The following GRP variants were observed in gnomAD, a reference collection of about 807,000 sequenced individuals.
The protein encoded by GRP is gastrin-releasing peptide.
Under a neutral mutation model 12.7 loss-of-function variants are expected in GRP, and 11 were observed. The observed-to-expected ratio is 0.87, with a 90% CI of 0.55 to 1.44. The LOEUF (loss-of-function observed/expected upper bound fraction) is 1.44, where lower values mean the gene tolerates loss of function less well. Ranked by LOEUF, GRP falls within the 40% of genes most tolerant of loss-of-function variation. The pLI, the probability that GRP is intolerant of heterozygous loss-of-function variation, is 0.00. For missense variants in GRP, 212 were observed against 185.4 expected (o/e 1.14, Z -0.83); for synonymous variants, 84 against 77.7 (o/e 1.08, Z -0.43).
rs1314015763 is a variant in GRP, at chr18:59,227,045, CTTT to C, written c.382+1312_382+1314del. 5.5e-4 allele frequency among the ~76,000 whole-genome samples: 68 copies of C among 122,630 alleles called. 1 individual carries two copies. The highest frequency in any genetic ancestry group is 2.1e-3 in the African/African-American group (66 of 30,838). 80.5% of individuals were successfully genotyped at this position (122,630 alleles called of 152,430 possible). ...TCTTTCTTTCTTTCTTTCTTTCTTT[CTTT>C]CTTTCTTCCTTTCTTTCTTTTCTTT... On this transcript the variant is annotated intron_variant, in intron 2 of 2. Transcript: ENST00000256857.
In GRP at chr18:59,230,692, A is replaced by T. The variant is rs1803673; in HGVS notation, c.*224A>T. 1.9e-6 allele frequency: 1 copy of T among 529,076 alleles called. No individual in the cohort carries two copies. Among genetic ancestry groups the T allele is most frequent in the Non-Finnish European group, 3.4e-6 (1 of 294,944 alleles). 32.8% of individuals were successfully genotyped at this position (529,076 alleles called of 1,614,324 possible). Reference sequence around the variant, plus strand: ...AGAGTCTTCCAATTAATGCTTTTTTATATCTAGGCTACCTGTTGGTTAGAT... The same window carrying T: ...AGAGTCTTCCAATTAATGCTTTTTTTTATCTAGGCTACCTGTTGGTTAGAT... On this transcript the variant is annotated 3_prime_UTR_variant, in exon 3 of 3. Transcript: ENST00000256857.
chr18:59,226,992 CCTTT>C (rs34258044), intron 2 of GRP, among the ~76,000 whole-genome samples: 20,583 of 107,230 alleles, frequency 0.19, 1,938 homozygotes, highest in South Asian at 0.24. Flanking sequence ...TTCTTTTCTT[CCTTT>C]CTTTCTTTCT....
intron 2 of GRP, 28 bp downstream of exon 2, chr18:59,225,762 G>T: frequency 6.2e-7 from 1 of 1,608,154 alleles, no homozygotes; most frequent in South Asian, 1.1e-5. Flanking sequence ...GCAAGATGGG[G>T]TGGGAGGTAT....
chr18:59,227,386 G>A (rs1438363318), intron 2 of GRP, among the ~76,000 whole-genome samples: 1 of 152,158 alleles, frequency 6.6e-6, no homozygotes, highest in Non-Finnish European at 1.5e-5. Context: ...TGTCATAGGT[G>A]TTATGTCATC....
At chr18:59,229,224 C>T (rs747139246) in intron 2 of GRP, among the ~76,000 whole-genome samples, 1 of 152,098 alleles carries the variant, frequency 6.6e-6, no homozygotes, top group Non-Finnish European at 1.5e-5. Context: ...TCCTCCCTAC[C>T]CCCAACAATG....
chr18:59,227,711 T>G (rs189994284), intron 2 of GRP, among the ~76,000 whole-genome samples: 50 of 152,374 alleles, frequency 3.3e-4, no homozygotes, highest in Admixed American at 3.2e-3. Flanking sequence ...CAAACAGCAG[T>G]GTCCAGTTTG....
Position 59,225,750 on chromosome 18 carries a change from A to C in GRP, c.382+16A>C, listed in dbSNP as rs751718085. On this transcript the variant is annotated intron_variant, in intron 2 of 2. Coordinates refer to ENST00000256857, the MANE Select transcript of GRP (RefSeq NM_002091.5). The stretch of plus-strand genomic sequence containing the variant: ...AAAGGCAAAGGTAAAAGAAACATAC[A>C]TGCAAGATGGGGTGGGAGGTATCTG... The C allele has an allele frequency of 5.0e-6, 8 of 1,612,030 alleles. No individual in the cohort carries two copies. Among genetic ancestry groups the C allele is most frequent in the Non-Finnish European group, 6.8e-6 (8 of 1,178,686 alleles).
Position 59,230,663 on chromosome 18 carries a change from G to T in GRP, c.*195G>T, listed in dbSNP as rs947536692. 1 of 559,878 alleles carries T rather than the reference G, an allele frequency of 1.8e-6. No homozygotes were observed. Among genetic ancestry groups the T allele is most frequent in the Non-Finnish European group, 3.2e-6 (1 of 312,768 alleles). The allele number at this position is 559,878 out of a possible 1,614,324, so 34.7% of individuals were successfully genotyped here. On this transcript the variant is annotated 3_prime_UTR_variant, in exon 3 of 3. Transcript: ENST00000256857. ...AACTTGTTTGCTGTGAACAATTGTC[G>T]AAAAGAGTCTTCCAATTAATGCTTT...
At chr18:59,225,164 C>T (rs952275583) in intron 1 of GRP, among the ~76,000 whole-genome samples, 8 of 152,084 alleles carry the variant, frequency 5.3e-5, no homozygotes, top group Non-Finnish European at 1.0e-4. Context: ...ATCTAGTCTA[C>T]CCTGTTCATT....
rs148859533 is a variant in GRP, at chr18:59,223,560, T to C, written c.140-1932T>C. On this transcript the variant is annotated intron_variant, in intron 1 of 2. Coordinates refer to ENST00000256857, the MANE Select transcript of GRP (RefSeq NM_002091.5). Reference sequence around the variant, plus strand: ...AGGCATGACAAAAATGAGGTTCTTATGTGTGATATCTGCATCACTTCTCTG... The same window carrying C: ...AGGCATGACAAAAATGAGGTTCTTACGTGTGATATCTGCATCACTTCTCTG... Among the ~76,000 whole-genome samples, 151 of 152,348 alleles carry C rather than the reference T, an allele frequency of 9.9e-4. 1 individual carries two copies. In the Middle Eastern group the frequency reaches 0.024, roughly 24 times the overall value.
chr18:59,225,854 T>C, intron 2 of GRP, 120 bp downstream of exon 2: 1 of 835,766 alleles, frequency 1.2e-6, no homozygotes. Context: ...GTCACTACAT[T>C]AGGCTAACAC....
chr18:59,219,589 G>T (rs2144091684), upstream of GRP, among the ~76,000 whole-genome samples: 1 of 150,510 alleles, frequency 6.6e-6, no homozygotes, highest in East Asian at 2.0e-4. Context: ...GAGGAGATCT[G>T]CAAGAAAGAG....
chr18:59,225,410 T>C, intron 1 of GRP, 82 bp from the exon 2 acceptor site: 1 of 1,341,860 alleles, frequency 7.5e-7, no homozygotes, highest in African/African-American at 1.5e-5. Flanking sequence ...CACAATTAGC[T>C]TTAAATTTCT....
At position 59,230,704 on chromosome 18, in the gene GRP, C is replaced by A. The variant is rs1299463020; in HGVS notation, c.*236C>A. 1 of 511,954 alleles carries A rather than the reference C, an allele frequency of 2.0e-6. No individual in the cohort carries two copies. Among genetic ancestry groups the A allele is most frequent in the Non-Finnish European group, 3.5e-6 (1 of 284,744 alleles). 31.7% of individuals were successfully genotyped at this position (511,954 alleles called of 1,614,324 possible). A position where few individuals can be genotyped will look rare whatever the true frequency, so the allele number is the denominator to read the frequency against. On this transcript the variant is annotated 3_prime_UTR_variant, in exon 3 of 3. Coordinates refer to ENST00000256857, the MANE Select transcript of GRP (RefSeq NM_002091.5). ...TTAATGCTTTTTTATATCTAGGCTACCTGTTGGTTAGATTCAAGGCCCCGA... is the reference window on the plus strand; with the variant it reads ...TTAATGCTTTTTTATATCTAGGCTAACTGTTGGTTAGATTCAAGGCCCCGA...
chr18:59,225,137 A>G (rs2069896159), intron 1 of GRP, among the ~76,000 whole-genome samples: 2 of 152,160 alleles, frequency 1.3e-5, no homozygotes, highest in Non-Finnish European at 2.9e-5. Flanking sequence ...TTAGATATGG[A>G]AGCCTCCTTA....
chr18:59,223,350 A>C (rs2069865427), intron 1 of GRP, among the ~76,000 whole-genome samples: 1 of 152,236 alleles, frequency 6.6e-6, no homozygotes, highest in South Asian at 2.1e-4. Context: ...AACTGGACCC[A>C]GGGAATGTGT....
At chr18:59,222,555 T>C (rs17065639) in intron 1 of GRP, among the ~76,000 whole-genome samples, 4,952 of 152,304 alleles carry the variant, frequency 0.033, 105 homozygotes, top group African/African-American at 0.06. Flanking sequence ...ATGCCCTCTG[T>C]TGGAATATGA....
At chr18:59,225,960 T>C (rs1439118097) in intron 2 of GRP, among the ~76,000 whole-genome samples, 2 of 152,238 alleles carry the variant, frequency 1.3e-5, no homozygotes, top group East Asian at 1.9e-4. Context: ...GGAGTTTTTT[T>C]CAGCAATTTT....
intron 1 of GRP, among the ~76,000 whole-genome samples, chr18:59,223,631 T>A (rs2069869881): frequency 6.6e-6 from 1 of 152,224 alleles, no homozygotes; most frequent in African/African-American, 2.4e-5. Flanking sequence ...TCTAACTAGA[T>A]GATAGTCAGT....
Sources: gnomAD v4.1 joint callset for allele counts (sites outside exome capture counted in the v4.1 genomes callset) on GRCh38, gnomAD v4.1.1 for gene constraint, MANE v1.5 for transcripts, NCBI Gene and HGNC (gene_info 2026-07-23, HGNC 2026-07-21) for gene names.